Variants in DENND1A observed in about 807,000 individuals in gnomAD.
The protein encoded by DENND1A is DENN domain containing 1A, also known as DENN domain-containing protein 1A.
A neutral mutation model predicts 113.7 loss-of-function variants in DENND1A; 51 were observed. The ratio of observed to expected loss-of-function variants is 0.45; its 90% CI spans 0.36 to 0.57. The LOEUF (loss-of-function observed/expected upper bound fraction) is 0.57. Among genes scored for constraint, DENND1A ranks in the 20% least tolerant of loss-of-function variants. The probability of loss-of-function intolerance (pLI) is 0.00; values close to 1 mark genes in which losing one functional copy is unlikely to be tolerated. For missense variants in DENND1A, 1,258 were observed against 1,395.9 expected (o/e 0.90, Z 1.57); for synonymous variants, 565 against 570.8 (o/e 0.99, Z 0.14).
chr9:123,590,108 C>T (rs1003551630), intron 11 of DENND1A, among the ~76,000 whole-genome samples: 1 of 152,184 alleles, frequency 6.6e-6, no homozygotes, highest in African/African-American at 2.4e-5. Flanking sequence ...TGCCCGTCCC[C>T]TCTCCTTGGA....
At chr9:123,477,140 A>G (rs1280663998) in intron 13 of DENND1A, among the ~76,000 whole-genome samples, 1 of 152,248 alleles carries the variant, frequency 6.6e-6, no homozygotes, top group Non-Finnish European at 1.5e-5. Flanking sequence ...TAGTGAGTGA[A>G]GAGACTGGAA....
intron 1 of DENND1A, among the ~76,000 whole-genome samples, chr9:123,892,427 CA>C (rs1402319076): frequency 1.3e-5 from 2 of 152,134 alleles, no homozygotes; most frequent in African/African-American, 2.4e-5. Flanking sequence ...GTAACATAGA[CA>C]AAACATATGA....
At chr9:123,550,955 C>A (rs2057008124) in intron 13 of DENND1A, among the ~76,000 whole-genome samples, 3 of 152,242 alleles carry the variant, frequency 2.0e-5, no homozygotes, top group South Asian at 4.1e-4. Context: ...CACACTGCTA[C>A]TCCCAGAGTT....
intron 5 of DENND1A, among the ~76,000 whole-genome samples, chr9:123,696,380 C>A (rs1207511140): frequency 6.6e-6 from 1 of 152,162 alleles, no homozygotes; most frequent in African/African-American, 2.4e-5. Context: ...ACAATATACT[C>A]CACTGCCACT....
chr9:123,611,892 A>C (rs1020187852), intron 10 of DENND1A, among the ~76,000 whole-genome samples: 1 of 152,222 alleles, frequency 6.6e-6, no homozygotes, highest in African/African-American at 2.4e-5. Flanking sequence ...GAGACTGAAG[A>C]GGCAAGAAAG....
At chr9:123,900,674 G>A (rs1470876017) in intron 1 of DENND1A, among the ~76,000 whole-genome samples, 1 of 152,182 alleles carries the variant, frequency 6.6e-6, no homozygotes, top group East Asian at 1.9e-4. Context: ...TCCAGTTGCA[G>A]CTCCACCACA....
At chr9:123,496,881 C>A (rs1346539851) in intron 13 of DENND1A, among the ~76,000 whole-genome samples, 3 of 152,238 alleles carry the variant, frequency 2.0e-5, no homozygotes, top group Non-Finnish European at 2.9e-5. Flanking sequence ...ATCAAACTCA[C>A]TGGTCATACT....
intron 3 of DENND1A, among the ~76,000 whole-genome samples, chr9:123,791,375 T>C (rs1188788693): frequency 2.0e-5 from 3 of 152,124 alleles, no homozygotes; most frequent in African/African-American, 7.2e-5. Context: ...AAATTTAAGA[T>C]AAAATAAAAA....
Position 123,557,737 on chromosome 9 carries a change from C to A in DENND1A, c.868-42G>T. The stretch of plus-strand genomic sequence containing the variant: ...GGAAAACACAGGTTGAGGACAGGGT[C>A]AAAGTAGGGTGGCTGACTAAGCCCA... On this transcript the variant is annotated intron_variant, in intron 12 of 23. Coordinates refer to ENST00000394215, the MANE Select transcript of DENND1A (RefSeq NM_001352964.2). The A allele has an allele frequency of 1.9e-6, 3 of 1,607,646 alleles. No homozygotes were observed. In the South Asian group the frequency reaches 3.3e-5, roughly 18 times the overall value.
chr9:123,563,503 T>C (rs1052915290), intron 12 of DENND1A, among the ~76,000 whole-genome samples: 1 of 152,242 alleles, frequency 6.6e-6, no homozygotes, highest in African/African-American at 2.4e-5. Flanking sequence ...ATGTACAACA[T>C]GTATACATTG....
At chr9:123,564,989 T>C (rs982939047) in intron 12 of DENND1A, among the ~76,000 whole-genome samples, 1 of 142,448 alleles carries the variant, frequency 7.0e-6, no homozygotes, top group African/African-American at 2.6e-5. Flanking sequence ...TCTTTTTTTT[T>C]TTTTTTTTTT....
chr9:123,410,395 G>A (rs1016140049), intron 20 of DENND1A, among the ~76,000 whole-genome samples: 3 of 152,224 alleles, frequency 2.0e-5, no homozygotes, highest in Non-Finnish European at 4.4e-5. Context: ...CAGTGACAGT[G>A]AGCAGACATA....
intron 4 of DENND1A, among the ~76,000 whole-genome samples, chr9:123,761,570 C>T (rs138303379): frequency 1.3e-4 from 20 of 152,282 alleles, no homozygotes; most frequent in African/African-American, 4.8e-4. Context: ...CTGATGCTTG[C>T]CTTACAGTGA....
intron 12 of DENND1A, among the ~76,000 whole-genome samples, chr9:123,580,504 G>A (rs140789706): frequency 2.2e-3 from 334 of 152,368 alleles, no homozygotes; most frequent in African/African-American, 7.9e-3. Flanking sequence ...GAGCAGTGCA[G>A]GTGGGACCAG....
chr9:123,640,795 G>A (rs1050837102), intron 9 of DENND1A, among the ~76,000 whole-genome samples: 8 of 152,220 alleles, frequency 5.3e-5, no homozygotes, highest in African/African-American at 1.9e-4. Context: ...AGGACAGAGG[G>A]ACTCCAAGAG....
At chr9:123,924,131 T>C (rs562500520) in intron 1 of DENND1A, among the ~76,000 whole-genome samples, 1 of 152,284 alleles carries the variant, frequency 6.6e-6, no homozygotes, top group African/African-American at 2.4e-5. Context: ...CATGGATAAA[T>C]CTTGAAATCA....
At chr9:123,875,425 T>A (rs1005327825) in intron 2 of DENND1A, among the ~76,000 whole-genome samples, 2 of 152,156 alleles carry the variant, frequency 1.3e-5, no homozygotes, top group Non-Finnish European at 2.9e-5. Context: ...CTATTAAATA[T>A]TTTCTATCCT....
chr9:123,526,469 C>T (rs2054854771), intron 13 of DENND1A, among the ~76,000 whole-genome samples: 1 of 152,202 alleles, frequency 6.6e-6, no homozygotes, highest in Non-Finnish European at 1.5e-5. Context: ...AACACTGGAA[C>T]TCCCATGTCT....
At chr9:123,459,079 G>T (rs749068172) in intron 13 of DENND1A, among the ~76,000 whole-genome samples, 2 of 152,164 alleles carry the variant, frequency 1.3e-5, no homozygotes, top group Admixed American at 1.3e-4. Flanking sequence ...GCTGAGGAGA[G>T]AATTGCTTGA....
Sources: allele counts gnomAD v4.1 joint callset (sites outside exome capture counted in the v4.1 genomes callset), GRCh38; gene constraint gnomAD v4.1.1; transcripts MANE v1.5; gene names NCBI Gene and HGNC (gene_info 2026-07-23, HGNC 2026-07-21).